The following SCAF8 variants were observed in gnomAD, a reference collection of about 807,000 sequenced individuals.
SCAF8 encodes SR-related CTD associated factor 8.
In SCAF8, 23 loss-of-function variants were observed where a neutral mutation model predicts 140.5. That is an observed-to-expected ratio of 0.16 (90% confidence interval 0.12 to 0.23). The LOEUF (loss-of-function observed/expected upper bound fraction) is 0.23, where lower values mean the gene tolerates loss of function less well. SCAF8 is among the 10% of genes least tolerant of loss of function. The pLI is 1.00. For synonymous variants in SCAF8, 575 were observed against 528.9 expected, an observed-to-expected ratio of 1.09 and a Z score of -1.20; for missense variants, 1,397 against 1,555.7, an observed-to-expected ratio of 0.90 and a Z score of 1.72.
At chr6:154,819,561 A>C (rs1003699431) in intron 14 of SCAF8, among the ~76,000 whole-genome samples, 8 of 152,180 alleles carry the variant, frequency 5.3e-5, no homozygotes, top group African/African-American at 1.9e-4. Context: ...ACTGCACTCC[A>C]GCCTGGGCGA....
chr6:154,787,633 C>T (rs529488803), intron 3 of SCAF8, among the ~76,000 whole-genome samples: 38 of 152,158 alleles, frequency 2.5e-4, no homozygotes, highest in African/African-American at 8.9e-4. Flanking sequence ...TCATTGAAGC[C>T]AGTTACATAG....
intron 1 of SCAF8, among the ~76,000 whole-genome samples, chr6:154,758,881 G>T (rs1430238408): frequency 6.6e-6 from 1 of 152,148 alleles, no homozygotes; most frequent in Admixed American, 6.5e-5. Context: ...ACAGCATGGA[G>T]GAGTCCTTTT....
chr6:154,774,631 T>C (rs1776867452), intron 2 of SCAF8, among the ~76,000 whole-genome samples: 1 of 152,148 alleles, frequency 6.6e-6, no homozygotes, highest in Admixed American at 6.6e-5. Context: ...ATTCTATTAA[T>C]ATTATAGATT....
intron 1 of SCAF8, among the ~76,000 whole-genome samples, chr6:154,753,563 C>T (rs985379332): frequency 9.9e-5 from 15 of 151,306 alleles, no homozygotes; most frequent in East Asian, 3.9e-4. Context: ...CACTTGAACC[C>T]GGGGGGCAGA....
At chr6:154,822,197 T>C (rs1778438159) in intron 15 of SCAF8, 79 bp from the exon 16 acceptor site, 5 of 1,429,256 alleles carry the variant, frequency 3.5e-6, no homozygotes, top group Non-Finnish European at 4.8e-6. Flanking sequence ...AGGATTTAGA[T>C]GTGAAATAAA....
At chr6:154,775,911 G>C (rs546559799) in intron 2 of SCAF8, among the ~76,000 whole-genome samples, 1 of 152,164 alleles carries the variant, frequency 6.6e-6, no homozygotes, top group South Asian at 2.1e-4. Flanking sequence ...TAGATTTGCT[G>C]ATTAACATGT....
At chr6:154,820,507 A>G (rs898597991) in intron 15 of SCAF8, among the ~76,000 whole-genome samples, 174 bp downstream of exon 15, 1 of 152,232 alleles carries the variant, frequency 6.6e-6, no homozygotes, top group African/African-American at 2.4e-5. Context: ...ATTTTAATAG[A>G]TGTCAAAGTA....
chr6:154,826,671 C>G (rs1178898187), intron 17 of SCAF8, among the ~76,000 whole-genome samples: 3 of 152,060 alleles, frequency 2.0e-5, no homozygotes, highest in Admixed American at 6.5e-5. Context: ...TGTTTGAGCC[C>G]AGGAGTTTGA....
chr6:154,777,136 G>A (rs1294830794), intron 2 of SCAF8, among the ~76,000 whole-genome samples: 1 of 151,878 alleles, frequency 6.6e-6, no homozygotes, highest in Admixed American at 6.6e-5. Flanking sequence ...AACTGAGATT[G>A]TGCCGCTGCA....
intron 13 of SCAF8, among the ~76,000 whole-genome samples, chr6:154,817,639 G>A (rs986660544): frequency 1.6e-4 from 24 of 152,164 alleles, no homozygotes; most frequent in African/African-American, 5.8e-4. Context: ...CTTTTAATAA[G>A]TTTGATATTA....
chr6:154,781,377 A>T (rs150000946), intron 3 of SCAF8, among the ~76,000 whole-genome samples: 1 of 152,324 alleles, frequency 6.6e-6, no homozygotes, highest in Non-Finnish European at 1.5e-5. Context: ...ATCCTCATGG[A>T]TAGGAAGAAT....
At chr6:154,777,450 C>G (rs1316732490) in intron 2 of SCAF8, among the ~76,000 whole-genome samples, 1 of 151,960 alleles carries the variant, frequency 6.6e-6, no homozygotes, top group East Asian at 1.9e-4. Flanking sequence ...TTTGTCTGAT[C>G]CATTAGGATA....
intron 12 of SCAF8, 128 bp downstream of exon 12, chr6:154,810,336 G>A: frequency 1.7e-6 from 1 of 601,848 alleles, no homozygotes; most frequent in Non-Finnish European, 2.8e-6. Context: ...AATGAGTAAT[G>A]TCTCTGGTTT....
Position 154,733,683 on chromosome 6 carries a change from C to T in SCAF8, c.-218C>T, listed in dbSNP as rs965410310. On this transcript the variant is annotated 5_prime_UTR_variant, in exon 1 of 20. Coordinates refer to ENST00000367178, the MANE Select transcript of SCAF8 (RefSeq NM_014892.5). ...GCCTCTGTTCCCTAGAACGGCGCTC[C>T]CCCCGCCCTAGCGGCCATGCCGGTG... The T allele has an allele frequency of 8.4e-6, 11 of 1,311,808 alleles. No individual in the cohort carries two copies. Among genetic ancestry groups the T allele is most frequent in the Non-Finnish European group, 1.1e-5 (11 of 1,034,546 alleles). The allele number at this position is 1,311,808 out of a possible 1,614,324, so 81.3% of individuals were successfully genotyped here.
intron 1 of SCAF8, among the ~76,000 whole-genome samples, chr6:154,766,960 C>G (rs994880442): frequency 6.6e-5 from 10 of 152,104 alleles, no homozygotes; most frequent in Non-Finnish European, 1.0e-4. Flanking sequence ...ACCCCCAGAT[C>G]TAGAGGCTGA....
chr6:154,758,221 T>G (rs1436951838), intron 1 of SCAF8, among the ~76,000 whole-genome samples: 1 of 152,164 alleles, frequency 6.6e-6, no homozygotes, highest in Non-Finnish European at 1.5e-5. Context: ...CAAGTTTCAC[T>G]TATATGCTGG....
chr6:154,805,694 G>T (rs1436887711), intron 9 of SCAF8, among the ~76,000 whole-genome samples: 1 of 151,218 alleles, frequency 6.6e-6, no homozygotes, highest in Non-Finnish European at 1.5e-5. Context: ...TTTTTTTCAG[G>T]ACCTTTATGG....
At chr6:154,790,874 ATAG>A (rs1777401745) in intron 4 of SCAF8, among the ~76,000 whole-genome samples, 14 of 152,236 alleles carry the variant, frequency 9.2e-5, no homozygotes, top group Admixed American at 9.2e-4. Flanking sequence ...TGGCATCACG[ATAG>A]TAGTAACTAG....
chr6:154,808,908 C>T (rs1778004866), intron 11 of SCAF8, 110 bp downstream of exon 11: 4 of 720,880 alleles, frequency 5.5e-6, no homozygotes, highest in Non-Finnish European at 9.2e-6. Flanking sequence ...TATTTTTTCT[C>T]AGTCTCTCGG....
Sources: gnomAD v4.1 joint callset for allele counts (sites outside exome capture counted in the v4.1 genomes callset) on GRCh38, gnomAD v4.1.1 for gene constraint, MANE v1.5 for transcripts, NCBI Gene and HGNC (gene_info 2026-07-23, HGNC 2026-07-21) for gene names.